The following ZNRF3 variants were observed in gnomAD, a reference collection of about 807,000 sequenced individuals.
ZNRF3 encodes the protein zinc and ring finger 3, also known as E3 ubiquitin-protein ligase ZNRF3.
A neutral mutation model predicts 72.5 loss-of-function variants in ZNRF3; 23 were observed. The observed-to-expected ratio is 0.32, with a 90% CI of 0.23 to 0.45. The LOEUF is 0.45. ZNRF3 is among the 20% of genes least tolerant of loss of function. The probability of loss-of-function intolerance (pLI) is 1.00; values close to 1 mark genes in which losing one functional copy is unlikely to be tolerated. For synonymous variants in ZNRF3, 610 were observed against 545.3 expected, an observed-to-expected ratio of 1.12 and a Z score of -1.65; for missense variants, 1,169 against 1,272.1, an observed-to-expected ratio of 0.92 and a Z score of 1.23.
chr22:29,006,417 G>A (rs1318827362), intron 2 of ZNRF3, among the ~76,000 whole-genome samples: 1 of 152,046 alleles, frequency 6.6e-6, no homozygotes, highest in African/African-American at 2.4e-5. Context: ...TTCACCATTT[G>A]GTCAGGCTGG....
rs185026684 is a variant in ZNRF3 at position 28,964,259 on chromosome 22, T to G, written c.301-22817T>G. Among the ~76,000 whole-genome samples the G allele has an allele frequency of 2.5e-3, 376 of 152,336 alleles. 1 individual carries two copies. Among genetic ancestry groups the G allele is most frequent in the Non-Finnish European group, 2.4e-3 (166 of 68,028 alleles). On this transcript the variant is annotated intron_variant, in intron 1 of 8. Transcript: ENST00000544604. ...AAGTCCATGTTGTATGAATGTGTATTATGTGTAAAAGACACAAAAAAGTAT... is the reference window on the plus strand; with the variant it reads ...AAGTCCATGTTGTATGAATGTGTATGATGTGTAAAAGACACAAAAAAGTAT...
intron 1 of ZNRF3, among the ~76,000 whole-genome samples, chr22:28,944,483 G>A (rs909978471): frequency 6.6e-6 from 1 of 151,800 alleles, no homozygotes; most frequent in African/African-American, 2.4e-5. Context: ...TGCCGGGTGC[G>A]GTGGCTCACG....
chr22:28,914,783 C>T (rs890805163), intron 1 of ZNRF3, among the ~76,000 whole-genome samples: 10 of 148,790 alleles, frequency 6.7e-5, no homozygotes, highest in East Asian at 5.9e-4. Context: ...CATTGCACTC[C>T]GGCCTGGGCA....
rs1177396156 is a variant in ZNRF3 at position 29,049,596 on chromosome 22, A to G, written c.1415A>G (p.Tyr472Cys). The change falls in exon 8 of 9, where the codon TAC becomes TGC. Residue 472 changes from tyrosine to cysteine, a missense_variant. Tyr to Cys is a radical substitution (Grantham distance 194, BLOSUM62 -2). Around this residue, in one of 2 missense-constraint regions of ZNRF3, gnomAD observed 783 missense variants for 731.4 expected, o/e 1.07. Transcript: ENST00000544604. The surrounding 1 kb of genome is among the most constrained non-coding windows in gnomAD (Gnocchi z 5.2). The stretch of plus-strand genomic sequence containing the variant: ...CAGTATGAGACCATGTACCAGCACT[A>G]CTACTTCCAGGGCCTCAGCTACCCG... Reference protein sequence around the residue: ...FSQYETMYQHYYFQGLSYPEQ... With the variant: ...FSQYETMYQHCYFQGLSYPEQ... 3 of 1,609,308 alleles carry G rather than the reference A, an allele frequency of 1.9e-6. No individual in the cohort carries two copies. Among genetic ancestry groups the G allele is most frequent in the Non-Finnish European group, 2.5e-6 (3 of 1,178,836 alleles).
intron 2 of ZNRF3, among the ~76,000 whole-genome samples, chr22:28,995,186 C>T (rs56752813): frequency 0.013 from 1,944 of 152,298 alleles, 43 homozygotes; most frequent in African/African-American, 0.045. Context: ...GTAATCCCAG[C>T]ACTTTGGGAG....
chr22:28,956,217 C>T (rs1297880928), intron 1 of ZNRF3, among the ~76,000 whole-genome samples: 1 of 152,022 alleles, frequency 6.6e-6, no homozygotes, highest in South Asian at 2.1e-4. Flanking sequence ...TGGGGCCTTC[C>T]CTGAAATAGA....
At chr22:28,972,378 G>A (rs909205846) in intron 1 of ZNRF3, among the ~76,000 whole-genome samples, 1 of 152,150 alleles carries the variant, frequency 6.6e-6, no homozygotes, top group African/African-American at 2.4e-5. Context: ...GTGGACTTTT[G>A]TGACTAGCTT....
intron 2 of ZNRF3, among the ~76,000 whole-genome samples, chr22:29,008,136 TAA>T (rs2036291388): frequency 6.6e-6 from 1 of 152,130 alleles, no homozygotes; most frequent in Admixed American, 6.5e-5. Flanking sequence ...AGGAAGGAAA[TAA>T]GAGAGGGTGG....
At position 29,030,307 on chromosome 22, in the gene ZNRF3, G is replaced by T. The variant is rs2036720422; in HGVS notation, c.427-12188G>T. Among the ~76,000 whole-genome samples the T allele has an allele frequency of 6.6e-6, 1 of 152,216 alleles. No homozygotes were observed. The highest frequency in any genetic ancestry group is 1.5e-5 in the Non-Finnish European group (1 of 68,038). On this transcript the variant is annotated intron_variant, in intron 2 of 8. Coordinates refer to ENST00000544604, the MANE Select transcript of ZNRF3 (RefSeq NM_001206998.2). The surrounding 1 kb of genome is among the most constrained non-coding windows in gnomAD (Gnocchi z 4.2). ...GATTGTGAAAAGGGTACCAACCTGT[G>T]CAATGGCGCCGCGACCCGGCCGCGG...
intron 1 of ZNRF3, among the ~76,000 whole-genome samples, chr22:28,956,450 C>T (rs2035263399): frequency 6.7e-6 from 1 of 149,928 alleles, no homozygotes; most frequent in Non-Finnish European, 1.5e-5. Flanking sequence ...TTCTCTTGTC[C>T]AGGGCTGGTG....
intron 2 of ZNRF3, among the ~76,000 whole-genome samples, chr22:29,017,722 C>G (rs1411249849): frequency 6.6e-6 from 1 of 152,014 alleles, no homozygotes; most frequent in African/African-American, 2.4e-5. Flanking sequence ...CCTGGGCATG[C>G]TAGGACAGAA....
intron 2 of ZNRF3, chr22:29,018,101 G>A (rs534339801): frequency 5.4e-5 from 28 of 516,672 alleles, no homozygotes; most frequent in Middle Eastern, 6.4e-4. Flanking sequence ...CGGGCAGACC[G>A]GATCCAAACT....
intron 1 of ZNRF3, among the ~76,000 whole-genome samples, chr22:28,940,153 G>T (rs2034915259): frequency 6.6e-6 from 1 of 152,160 alleles, no homozygotes; most frequent in African/African-American, 2.4e-5. Flanking sequence ...TTCCTTTCCT[G>T]CTCGTGCTTA....
At position 28,942,238 on chromosome 22, in the gene ZNRF3, C is replaced by T. The variant is rs569452847; in HGVS notation, c.301-44838C>T. 1.4e-4 allele frequency among the ~76,000 whole-genome samples: 21 copies of T among 152,308 alleles called. No individual in the cohort carries two copies. In the South Asian group the frequency reaches 2.5e-3, roughly 18 times the overall value. On this transcript the variant is annotated intron_variant, in intron 1 of 8. Coordinates refer to ENST00000544604, the MANE Select transcript of ZNRF3 (RefSeq NM_001206998.2). Reference sequence around the variant, plus strand: ...TTGTCTGAAGCTATGTGATGTGACGCGATGCCGATGCAGAGAGCCTGGATG... The same window carrying T: ...TTGTCTGAAGCTATGTGATGTGACGTGATGCCGATGCAGAGAGCCTGGATG...
chr22:28,951,275 A>C (rs1022835191), intron 1 of ZNRF3, among the ~76,000 whole-genome samples: 2 of 152,174 alleles, frequency 1.3e-5, no homozygotes, highest in African/African-American at 2.4e-5. Flanking sequence ...AGCACCTCAG[A>C]ATGCGACCTT....
chr22:28,895,456 G>C (rs749938931), intron 1 of ZNRF3, among the ~76,000 whole-genome samples: 1 of 152,128 alleles, frequency 6.6e-6, no homozygotes, highest in Non-Finnish European at 1.5e-5. Context: ...GAGGCGGGTG[G>C]ATCACGAGGT....
intron 1 of ZNRF3, among the ~76,000 whole-genome samples, chr22:28,907,455 G>A (rs994052530): frequency 1.3e-5 from 2 of 152,078 alleles, no homozygotes; most frequent in African/African-American, 4.8e-5. Flanking sequence ...AAACTTTATG[G>A]TCCTTGAGAA....
intron 2 of ZNRF3, among the ~76,000 whole-genome samples, chr22:28,993,465 A>G (rs1370288739): frequency 6.6e-6 from 1 of 152,164 alleles, no homozygotes; most frequent in African/African-American, 2.4e-5. Context: ...AGGTGGGTGG[A>G]AAATTGAACC....
intron 1 of ZNRF3, among the ~76,000 whole-genome samples, chr22:28,888,774 A>T (rs1329766427): frequency 6.6e-6 from 1 of 152,216 alleles, no homozygotes; most frequent in East Asian, 1.9e-4. Context: ...TGAGAGAAGC[A>T]AGTTGAGTTC....
Sources: gnomAD v4.1 joint callset for allele counts (sites outside exome capture counted in the v4.1 genomes callset) on GRCh38, gnomAD v4.1.1 for gene constraint, gnomAD v4.1.1 regional missense constraint, Gnocchi (gnomAD v3.1) non-coding constraint, MANE v1.5 for transcripts, NCBI Gene and HGNC (gene_info 2026-07-23, HGNC 2026-07-21) for gene names.